Variants in SLX9 observed in about 807,000 individuals in gnomAD.
SLX9 encodes the protein ribosome biogenesis protein SLX9 homolog.
SLX9 carries 19 observed loss-of-function variants against 20.8 expected under a neutral mutation model. That is an observed-to-expected ratio of 0.91 (90% CI 0.64 to 1.34). The LOEUF is 1.34. Among genes scored for constraint, SLX9 ranks in the 40% most tolerant of loss-of-function variants. SLX9 has a pLI of 0.00. For synonymous variants in SLX9, 113 were observed against 137.1 expected (o/e 0.82, Z 1.23); for missense variants, 299 against 322.2 (o/e 0.93, Z 0.55).
chr21:44,950,559 T>G (rs1047290792), intron 2 of SLX9, among the ~76,000 whole-genome samples: 4 of 152,242 alleles, frequency 2.6e-5, no homozygotes, highest in African/African-American at 9.6e-5. Context: ...ACTTGTTTCT[T>G]AAGCCAGGCA....
At chr21:44,953,195 C>T (rs972744601) in intron 2 of SLX9, among the ~76,000 whole-genome samples, 6 of 152,226 alleles carry the variant, frequency 3.9e-5, no homozygotes, top group Non-Finnish European at 7.4e-5. Context: ...GCAGCGAGTG[C>T]CCCCCGGCTA....
intron 2 of SLX9, among the ~76,000 whole-genome samples, chr21:44,951,625 C>T (rs1402609689): frequency 6.6e-6 from 1 of 152,178 alleles, no homozygotes; most frequent in Non-Finnish European, 1.5e-5. Flanking sequence ...GCAGAATAGA[C>T]AAATACGCAA....
intron 3 of SLX9, among the ~76,000 whole-genome samples, chr21:44,965,359 G>A (rs940077758): frequency 1.3e-5 from 2 of 152,058 alleles, no homozygotes; most frequent in Non-Finnish European, 2.9e-5. Flanking sequence ...CCACTGCCTC[G>A]CTCCCTCCCT....
At chr21:44,975,558 C>T (rs1382109712) in intron 5 of SLX9, among the ~76,000 whole-genome samples, 1 of 152,262 alleles carries the variant, frequency 6.6e-6, no homozygotes, top group Admixed American at 6.5e-5. Flanking sequence ...AGCTCTGACC[C>T]AGGACTCTGC....
chr21:44,950,676 T>C (rs4818995), intron 2 of SLX9, among the ~76,000 whole-genome samples: 130,660 of 152,280 alleles, frequency 0.86, 56,102 homozygotes, highest in East Asian at 0.9. Flanking sequence ...CTCAGGCCCA[T>C]GGTCACGCAG....
chr21:44,975,969 CACACAGGCCGGAGGG>C (rs1241963918), intron 5 of SLX9, among the ~76,000 whole-genome samples: 2 of 152,262 alleles, frequency 1.3e-5, no homozygotes, highest in East Asian at 3.8e-4. Context: ...GCACACGGGG[CACACAGGCCGGAGGG>C]GTACAGGCCC....
At chr21:44,950,149 C>G (rs2084728580) in intron 2 of SLX9, among the ~76,000 whole-genome samples, 1 of 151,580 alleles carries the variant, frequency 6.6e-6, no homozygotes, top group African/African-American at 2.4e-5. Flanking sequence ...ATGAGCCTTG[C>G]CCCACCCTGC....
At chr21:44,969,063 G>A (rs1452622239) in intron 4 of SLX9, 1 of 439,172 alleles carries the variant, frequency 2.3e-6, no homozygotes, top group African/African-American at 2.0e-5. Context: ...TAATTTTGCT[G>A]TTTAAAAAAT....
intron 2 of SLX9, among the ~76,000 whole-genome samples, chr21:44,951,591 G>T (rs971544542): frequency 6.6e-6 from 1 of 152,172 alleles, no homozygotes; most frequent in African/African-American, 2.4e-5. Flanking sequence ...TCATGATTGA[G>T]AAAGCAGCGC....
At position 44,969,686 on chromosome 21, in the gene SLX9, A is replaced by C. The variant is rs143907826; in HGVS notation, c.500+2505A>C. ...CCCCGCATGCTGTTGCTCTGACATGAGTGTGGTACGTTCGTCACATGGAAG... is the reference window on the plus strand; with the variant it reads ...CCCCGCATGCTGTTGCTCTGACATGCGTGTGGTACGTTCGTCACATGGAAG... On this transcript the variant is annotated intron_variant, in intron 4 of 5. Coordinates refer to ENST00000291634, the MANE Select transcript of SLX9 (RefSeq NM_058190.4). Among the ~76,000 whole-genome samples, 26 of 152,350 alleles carry C rather than the reference A, an allele frequency of 1.7e-4. No individual in the cohort carries two copies. The East Asian group carries it at 5.0e-3, about 29-fold the overall frequency.
At chr21:44,968,858 A>G (rs1268424470) in intron 4 of SLX9, among the ~76,000 whole-genome samples, 1 of 147,192 alleles carries the variant, frequency 6.8e-6, no homozygotes, top group East Asian at 2.0e-4. Context: ...GGTTCACACC[A>G]TTCTCCTGCC....
chr21:44,970,026 G>C (rs2085114197), intron 4 of SLX9, among the ~76,000 whole-genome samples: 2 of 152,234 alleles, frequency 1.3e-5, no homozygotes, highest in Admixed American at 6.5e-5. Flanking sequence ...AAGTGCCACT[G>C]TCACTCCACT....
At chr21:44,965,359 G>GCTCC (rs1457809750) in intron 3 of SLX9, among the ~76,000 whole-genome samples, 6 of 152,176 alleles carry the variant, frequency 3.9e-5, no homozygotes, top group Admixed American at 3.3e-4. Flanking sequence ...CCACTGCCTC[G>GCTCC]CTCCCTCCCT....
At chr21:44,970,763 C>G (rs1337278327) in intron 4 of SLX9, among the ~76,000 whole-genome samples, 1 of 152,196 alleles carries the variant, frequency 6.6e-6, no homozygotes, top group African/African-American at 2.4e-5. Context: ...CTCTGTCTCT[C>G]ACTTCTCCCC....
At chr21:44,963,172 A>T (rs1360131096) in intron 3 of SLX9, among the ~76,000 whole-genome samples, 1 of 150,876 alleles carries the variant, frequency 6.6e-6, no homozygotes, top group South Asian at 2.1e-4. Context: ...CACTGCAAGC[A>T]ACACCTCCTG....
At chr21:44,966,327 G>A (rs773530517) in intron 3 of SLX9, among the ~76,000 whole-genome samples, 3 of 152,166 alleles carry the variant, frequency 2.0e-5, no homozygotes, top group Non-Finnish European at 4.4e-5. Flanking sequence ...CGAGCTGGCA[G>A]TGTTTGAGCT....
In SLX9 at chr21:44,940,096, G is replaced by A. The variant is rs1425461068; in HGVS notation, c.39G>A (p.Gln13=). Residue 13 remains glutamine, a synonymous_variant, in exon 1 of 6, where the codon CAG becomes CAA. Coordinates refer to ENST00000291634, the MANE Select transcript of SLX9 (RefSeq NM_058190.4). ...GGGGGTTGCGCGCCCGAGTGCACCA[G>A]GCTGCCGTGAGGCCGAAAGGGGAGG... The part of the protein sequence containing the change: ...KVRGLRARVH[Q]AAVRPKGEAA... 2.1e-6 allele frequency: 3 copies of A among 1,441,602 alleles called. No individual in the cohort carries two copies. The highest frequency in any genetic ancestry group is 3.0e-5 in the East Asian group (1 of 33,494). 89.3% of individuals were successfully genotyped at this position (1,441,602 alleles called of 1,614,324 possible).
rs35304604 is a variant in SLX9, at chr21:44,968,753, CTT to C, written c.500+1588_500+1589del. Among the ~76,000 whole-genome samples, 41 of 132,916 alleles carry C rather than the reference CTT, an allele frequency of 3.1e-4. 1 individual carries two copies. The highest frequency in any genetic ancestry group is 4.0e-4 in the Non-Finnish European group (25 of 62,730). 87.2% of individuals were successfully genotyped at this position (132,916 alleles called of 152,430 possible). A position where few individuals can be genotyped will look rare whatever the true frequency, so the allele number is the denominator to read the frequency against. On this transcript the variant is annotated intron_variant, in intron 4 of 5. Transcript: ENST00000291634. ...CTCATTCATTTGTGTCATCTCTGTG[CTT>C]TTTTTTTTTTTTTTTGGAGACGGAG...
intron 3 of SLX9, among the ~76,000 whole-genome samples, chr21:44,963,086 T>G (rs913858635): frequency 2.6e-5 from 4 of 150,990 alleles, no homozygotes; most frequent in Non-Finnish European, 4.4e-5. Flanking sequence ...CCTGTTCATT[T>G]TCTTTCTTTT....
Sources: gnomAD v4.1 joint callset for allele counts (sites outside exome capture counted in the v4.1 genomes callset) on GRCh38, gnomAD v4.1.1 for gene constraint, MANE v1.5 for transcripts, NCBI Gene and HGNC (gene_info 2026-07-23, HGNC 2026-07-21) for gene names.